The following ATP5PO variants were observed in gnomAD, a reference collection of about 807,000 sequenced individuals.
ATP5PO encodes the protein ATP synthase peripheral stalk subunit OSCP.
ATP5PO carries 14 observed loss-of-function variants against 26.2 expected under a neutral mutation model. The ratio of observed to expected loss-of-function variants is 0.53; its 90% CI spans 0.35 to 0.83. ATP5PO has a LOEUF of 0.83. Among genes scored for constraint, ATP5PO ranks in the 40% least tolerant of loss-of-function variants. The pLI is 0.01. For missense variants in ATP5PO, 241 were observed against 258.5 expected, an observed-to-expected ratio of 0.93 and a Z score of 0.46; for synonymous variants, 106 against 95.1, an observed-to-expected ratio of 1.12 and a Z score of -0.67.
At position 33,903,639 on chromosome 21, in the gene ATP5PO, T is replaced by C; in HGVS notation, c.529A>G (p.Thr177Ala). The change falls in exon 7 of 7, where the codon ACT becomes GCT. Residue 177 changes from threonine (T) to alanine (A), a missense_variant and splice_region_variant. Physicochemically the swap from Thr to Ala is moderately conservative, Grantham distance 58 (BLOSUM62 0). Around this residue, in one of 3 missense-constraint regions of ATP5PO, gnomAD observed 77 missense variants for 74.5 expected, o/e 1.03. Coordinates refer to ENST00000290299, the MANE Select transcript of ATP5PO (RefSeq NM_001697.3). ...QGQVLKLEAK[T>A]DPSILGGMIV... ...ATTCCACCCAAGATTGACGGATCAG[T>C]CTACAAAAGAAGTAAGACTGGAAAT... The C allele has an allele frequency of 6.2e-7, 1 of 1,613,850 alleles. No individual in the cohort carries two copies.
At chr21:33,904,802 G>A (rs1465983167) in intron 5 of ATP5PO, among the ~76,000 whole-genome samples, 1 of 152,148 alleles carries the variant, frequency 6.6e-6, no homozygotes, top group Non-Finnish European at 1.5e-5. Context: ...GTAGAGTGGC[G>A]AGATCTCGGC....
intron 3 of ATP5PO, among the ~76,000 whole-genome samples, chr21:33,909,632 A>G (rs1987223316): frequency 6.6e-6 from 1 of 152,206 alleles, no homozygotes; most frequent in African/African-American, 2.4e-5. Context: ...GAACATATGA[A>G]AAAAAGATTA....
Position 33,907,323 on chromosome 21 carries a change from C to T in ATP5PO, c.441+18G>A. The T allele has an allele frequency of 6.3e-7, 1 of 1,589,740 alleles. No homozygotes were observed. Among genetic ancestry groups the T allele is most frequent in the Non-Finnish European group, 8.6e-7 (1 of 1,159,662 alleles). On this transcript the variant is annotated intron_variant, in intron 5 of 6. Coordinates refer to ENST00000290299, the MANE Select transcript of ATP5PO (RefSeq NM_001697.3). ...TGTAATATCAAGGCAAACACAGCAG[C>T]AACAACCCGTTACTTACAGATGCAG...
intron 4 of ATP5PO, among the ~76,000 whole-genome samples, chr21:33,907,743 T>C (rs1987192404): frequency 6.6e-6 from 1 of 152,174 alleles, no homozygotes. Context: ...GGAAGATTGC[T>C]TGAGCCTAGG....
chr21:33,911,835 T>C (rs1409432529), intron 3 of ATP5PO, among the ~76,000 whole-genome samples: 1 of 151,948 alleles, frequency 6.6e-6, no homozygotes, highest in Non-Finnish European at 1.5e-5. Flanking sequence ...CGCTAATTTT[T>C]TGTATTTTTT....
rs58774588 is a variant in ATP5PO at position 33,911,662 on chromosome 21, G to GTTTTTTTTTT, written c.198+617_198+626dup. 2.5e-3 allele frequency among the ~76,000 whole-genome samples: 227 copies of GTTTTTTTTTT among 92,096 alleles called. 4 individuals are homozygous for GTTTTTTTTTT. The highest frequency in any genetic ancestry group is 8.1e-3 in the Middle Eastern group (1 of 124). The allele number at this position is 92,096 out of a possible 152,430, so 60.4% of individuals were successfully genotyped here. A position where few individuals can be genotyped will look rare whatever the true frequency, so the allele number is the denominator to read the frequency against. On this transcript the variant is annotated intron_variant, in intron 3 of 6. Transcript: ENST00000290299. ...CTAAACACCTAGCCCATAAGCATAGGTTTTTTTTTTTTTTTTTTTTTTTTG... is the reference window on the plus strand; with the variant it reads ...CTAAACACCTAGCCCATAAGCATAGGTTTTTTTTTTTTTTTTTTTTTTTTTTTTTTTTTTG...
chr21:33,904,148 A>C, intron 5 of ATP5PO, 127 bp from the exon 6 acceptor site: 1 of 721,746 alleles, frequency 1.4e-6, no homozygotes, highest in Non-Finnish European at 2.2e-6. Context: ...TGGGCCCATC[A>C]TGGAGCTGCT....
chr21:33,903,794 T>C (rs1987133410), intron 6 of ATP5PO, 141 bp downstream of exon 6: 1 of 1,090,082 alleles, frequency 9.2e-7, no homozygotes, highest in Non-Finnish European at 1.3e-6. Context: ...CAGATAATCA[T>C]TTAAATTTAA....
chr21:33,909,327 C>T, intron 3 of ATP5PO, 116 bp from the exon 4 acceptor site: 1 of 1,212,648 alleles, frequency 8.2e-7, no homozygotes. Context: ...GTCGCTCAGG[C>T]TGGAGTGCAG....
At chr21:33,905,319 A>T (rs1332809888) in intron 5 of ATP5PO, among the ~76,000 whole-genome samples, 1 of 151,972 alleles carries the variant, frequency 6.6e-6, no homozygotes, top group African/African-American at 2.4e-5. Context: ...CATGCCTACT[A>T]TCTCCCTTCA....
intron 1 of ATP5PO, chr21:33,915,501 G>A: frequency 1.7e-6 from 1 of 599,282 alleles, no homozygotes; most frequent in Non-Finnish European, 2.8e-6. Context: ...GGCTGTGCTC[G>A]GAAGACGCCA....
chr21:33,913,406 C>T (rs906659408), intron 2 of ATP5PO, among the ~76,000 whole-genome samples: 1 of 152,168 alleles, frequency 6.6e-6, no homozygotes, highest in Non-Finnish European at 1.5e-5. Flanking sequence ...CTGCCCAGCA[C>T]ATCTTAGAAA....
Position 33,914,777 on chromosome 21 carries a change from C to CT in ATP5PO, c.37-278dup. On this transcript the variant is annotated intron_variant, in intron 1 of 6. Transcript: ENST00000290299. The stretch of plus-strand genomic sequence containing the variant: ...AGCATACCCGTAAGACAGAAAAACA[C>CT]TAACTTCCAAGGAGTGCATGTTTCA... The CT allele has an allele frequency of 1.0e-5, 4 of 383,574 alleles. No individual in the cohort carries two copies. The South Asian group carries it at 1.9e-4, about 18-fold the overall frequency. 23.8% of individuals were successfully genotyped at this position (383,574 alleles called of 1,614,324 possible).
At chr21:33,908,979 T>C in intron 4 of ATP5PO, 103 bp downstream of exon 4, 1 of 1,333,124 alleles carries the variant, frequency 7.5e-7, no homozygotes. Context: ...GATTCTTCAC[T>C]GCCAACAGGC....
intron 5 of ATP5PO, among the ~76,000 whole-genome samples, chr21:33,905,072 C>G (rs1418218066): frequency 1.3e-5 from 2 of 151,980 alleles, no homozygotes; most frequent in East Asian, 3.9e-4. Flanking sequence ...GTCATAAATC[C>G]TACCTCCCTG....
chr21:33,915,545 C>A, intron 1 of ATP5PO, 183 bp downstream of exon 1: 1 of 895,460 alleles, frequency 1.1e-6, no homozygotes. Context: ...CGCCTACTGC[C>A]CCGTAGGCAT....
chr21:33,908,043 GC>G (rs1987197322), intron 4 of ATP5PO, among the ~76,000 whole-genome samples: 1 of 150,614 alleles, frequency 6.6e-6, no homozygotes, highest in African/African-American at 2.4e-5. Flanking sequence ...TGGCGCATGC[GC>G]GCAGTTCCAG....
chr21:33,914,410 C>G (rs200964053), intron 2 of ATP5PO, 40 bp downstream of exon 2: 19 of 1,586,858 alleles, frequency 1.2e-5, no homozygotes, highest in Non-Finnish European at 1.6e-5. Context: ...CTCACACTTT[C>G]GCGTACTTTA....
chr21:33,914,315 G>T (rs1987286087), intron 2 of ATP5PO, 135 bp downstream of exon 2: 1 of 768,820 alleles, frequency 1.3e-6, no homozygotes, highest in Non-Finnish European at 2.1e-6. Context: ...TATGCACACA[G>T]CACATTTTGG....
Sources: allele counts gnomAD v4.1 joint callset (sites outside exome capture counted in the v4.1 genomes callset), GRCh38; gene constraint gnomAD v4.1.1; regional missense constraint gnomAD v4.1.1; transcripts MANE v1.5; gene names NCBI Gene and HGNC (gene_info 2026-07-23, HGNC 2026-07-21).